Variants in ZMYND8 observed in about 807,000 individuals in gnomAD.
The protein encoded by ZMYND8 is MYND-type zinc finger-containing chromatin reader ZMYND8.
Under a neutral mutation model 140.8 loss-of-function variants are expected in ZMYND8, and 37 were observed. The ratio of observed to expected loss-of-function variants is 0.26; its 90% CI spans 0.20 to 0.35. The LOEUF (loss-of-function observed/expected upper bound fraction) is 0.35, where lower values mean the gene tolerates loss of function less well. ZMYND8 is among the 10% of genes least tolerant of loss of function. The pLI, the probability that ZMYND8 is intolerant of heterozygous loss-of-function variation, is 1.00. For synonymous variants in ZMYND8, 592 were observed against 597.1 expected (o/e 0.99, Z 0.12); for missense variants, 1,068 against 1,570.0 (o/e 0.68, Z 5.40).
At chr20:47,306,077 A>G (rs1274083990) in intron 3 of ZMYND8, among the ~76,000 whole-genome samples, 2 of 152,116 alleles carry the variant, frequency 1.3e-5, no homozygotes, top group East Asian at 3.9e-4. Context: ...CCTGAAAATA[A>G]AATGTGTTTT....
chr20:47,224,682 C>G (rs552763387), intron 18 of ZMYND8, 126 bp from the exon 19 acceptor site: 3 of 1,504,452 alleles, frequency 2.0e-6, no homozygotes, highest in Non-Finnish European at 2.7e-6. Flanking sequence ...TGGCTGTGTG[C>G]CCATGGGCAA....
At chr20:47,260,103 G>A (rs1374785954) in intron 12 of ZMYND8, among the ~76,000 whole-genome samples, 1 of 152,134 alleles carries the variant, frequency 6.6e-6, no homozygotes, top group Non-Finnish European at 1.5e-5. Flanking sequence ...TTCTCTGTTG[G>A]GGGCCCTGTT....
At chr20:47,328,356 G>T (rs2080627485) in intron 2 of ZMYND8, among the ~76,000 whole-genome samples, 1 of 152,180 alleles carries the variant, frequency 6.6e-6, no homozygotes, top group Non-Finnish European at 1.5e-5. Flanking sequence ...GGCAGGAGAA[G>T]ATTTTTAGCT....
intron 2 of ZMYND8, among the ~76,000 whole-genome samples, chr20:47,317,537 T>C (rs2079508730): frequency 6.6e-6 from 1 of 152,194 alleles, no homozygotes; most frequent in Admixed American, 6.5e-5. Flanking sequence ...CGGGAGCTTC[T>C]TGTGTTTTTG....
chr20:47,285,199 C>G (rs1294934299), intron 8 of ZMYND8, among the ~76,000 whole-genome samples: 1 of 152,218 alleles, frequency 6.6e-6, no homozygotes, highest in African/African-American at 2.4e-5. Flanking sequence ...AAAGCCCATG[C>G]AGGTCACCAC....
chr20:47,281,133 A>G (rs980362952), intron 10 of ZMYND8, among the ~76,000 whole-genome samples: 2 of 152,250 alleles, frequency 1.3e-5, no homozygotes, highest in Non-Finnish European at 2.9e-5. Flanking sequence ...TACAGGAATT[A>G]AAGTCAAGGT....
chr20:47,230,855 G>A (rs1176031300), intron 16 of ZMYND8, among the ~76,000 whole-genome samples: 2 of 151,638 alleles, frequency 1.3e-5, no homozygotes, highest in Non-Finnish European at 2.9e-5. Context: ...CCCATCCCCC[G>A]CTCCCCCAGC....
chr20:47,278,250 T>C (rs2076378169), intron 10 of ZMYND8, among the ~76,000 whole-genome samples: 1 of 152,194 alleles, frequency 6.6e-6, no homozygotes, highest in Non-Finnish European at 1.5e-5. Context: ...CCCCAAGAGC[T>C]GGGATTATAG....
chr20:47,310,786 GAAA>G (rs1169707543), intron 2 of ZMYND8, among the ~76,000 whole-genome samples: 13 of 76,818 alleles, frequency 1.7e-4, no homozygotes, highest in Non-Finnish European at 2.6e-4. Flanking sequence ...CCTCCGACGT[GAAA>G]AAAAAAAAAA....
intron 2 of ZMYND8, among the ~76,000 whole-genome samples, chr20:47,316,097 C>T (rs1322888140): frequency 3.3e-5 from 5 of 152,098 alleles, no homozygotes; most frequent in Non-Finnish European, 7.4e-5. Flanking sequence ...CTTTGGGAGG[C>T]CAAGGTGGGC....
intron 14 of ZMYND8, among the ~76,000 whole-genome samples, chr20:47,242,475 G>A (rs1385514173): frequency 6.6e-6 from 1 of 152,252 alleles, no homozygotes; most frequent in East Asian, 1.9e-4. Flanking sequence ...TCTAAGAGGA[G>A]GGCAGGGGGC....
chr20:47,342,505 C>T (rs1380885196), intron 2 of ZMYND8, among the ~76,000 whole-genome samples: 2 of 148,426 alleles, frequency 1.3e-5, no homozygotes, highest in African/African-American at 5.0e-5. Context: ...CAAGATCGCG[C>T]CAACTGCACT....
intron 6 of ZMYND8, 46 bp from the exon 7 acceptor site, chr20:47,290,320 G>T: frequency 6.4e-7 from 1 of 1,553,462 alleles, no homozygotes. Flanking sequence ...GTCTAGACAA[G>T]CCACAGTCAG....
chr20:47,309,737 G>T (rs1279915818), intron 3 of ZMYND8, among the ~76,000 whole-genome samples: 1 of 151,362 alleles, frequency 6.6e-6, no homozygotes, highest in African/African-American at 2.4e-5. Flanking sequence ...AACTCCTCAG[G>T]CCACATGGGG....
At chr20:47,279,479 G>A (rs1247504303) in intron 10 of ZMYND8, among the ~76,000 whole-genome samples, 1 of 149,894 alleles carries the variant, frequency 6.7e-6, no homozygotes, top group African/African-American at 2.5e-5. Flanking sequence ...GACAGAGCAA[G>A]ACCCCCCTCT....
chr20:47,342,398 T>C (rs930760107), intron 2 of ZMYND8, among the ~76,000 whole-genome samples: 1 of 146,746 alleles, frequency 6.8e-6, no homozygotes, highest in Non-Finnish European at 1.5e-5. Context: ...TACAAAAAAA[T>C]TAGCCAGGCG....
intron 3 of ZMYND8, among the ~76,000 whole-genome samples, chr20:47,308,868 A>ATC (rs906192440): frequency 1.3e-5 from 2 of 152,132 alleles, no homozygotes; most frequent in African/African-American, 4.8e-5. Context: ...GAAAGCAACA[A>ATC]TCTCGTTTAA....
intron 15 of ZMYND8, chr20:47,238,493 G>A (rs2039526147): frequency 1.8e-6 from 1 of 565,202 alleles, no homozygotes; most frequent in Non-Finnish European, 3.1e-6. Context: ...AGACTTTTAT[G>A]TAAAACTTTC....
chr20:47,304,781 G>A (rs1011677673), intron 3 of ZMYND8, among the ~76,000 whole-genome samples: 2 of 152,190 alleles, frequency 1.3e-5, no homozygotes, highest in African/African-American at 4.8e-5. Flanking sequence ...CAGCAGGGCT[G>A]GGCAGAGCTC....
Sources: allele counts gnomAD v4.1 joint callset (sites outside exome capture counted in the v4.1 genomes callset), GRCh38; gene constraint gnomAD v4.1.1; transcripts MANE v1.5; gene names NCBI Gene and HGNC (gene_info 2026-07-23, HGNC 2026-07-21).